PTPRA: variants seen among roughly 807,000 people sequenced by gnomAD.
PTPRA encodes the protein protein tyrosine phosphatase receptor type A.
Under a neutral mutation model 104.8 loss-of-function variants are expected in PTPRA, and 25 were observed. That is an observed-to-expected ratio of 0.24 (90% CI 0.17 to 0.33). PTPRA has a LOEUF of 0.33. PTPRA is among the 10% of genes least tolerant of loss of function. PTPRA has a pLI of 1.00. For synonymous variants in PTPRA, 323 were observed against 368.9 expected (o/e 0.88, Z 1.43); for missense variants, 765 against 1,015.3 (o/e 0.75, Z 3.35).
In PTPRA at chr20:2,999,816, T is replaced by A. The variant is rs930966162; in HGVS notation, c.739-5240T>A. ...ACAGTAGGAAAGGATTTCTTAAGAC[T>A]TAAAATGTTGATAAAAGGGAAGATT... On this transcript the variant is annotated intron_variant, in intron 9 of 23. Coordinates refer to ENST00000399903, the MANE Select transcript of PTPRA (RefSeq NM_001385305.1). Among the ~76,000 whole-genome samples the A allele has an allele frequency of 1.9e-4, 29 of 152,248 alleles. 1 individual carries two copies. The highest frequency in any genetic ancestry group is 4.1e-4 in the South Asian group (2 of 4,828).
chr20:2,936,469 T>G (rs912581490), intron 2 of PTPRA, among the ~76,000 whole-genome samples: 3 of 146,086 alleles, frequency 2.1e-5, no homozygotes, highest in African/African-American at 7.7e-5. Context: ...GGCCTAGGTC[T>G]TTTTTTTTTG....
rs199784705 is a variant in PTPRA, at chr20:2,984,634, CAT to C, written c.443-2129_443-2128del. On this transcript the variant is annotated intron_variant, in intron 6 of 23. Coordinates refer to ENST00000399903, the MANE Select transcript of PTPRA (RefSeq NM_001385305.1). ...TCCTCTGTTCAAAGCCCTTCGATGA[CAT>C]AGTGTTTCTCATCACACTCAGAATT... Among the ~76,000 whole-genome samples the C allele has an allele frequency of 4.9e-3, 740 of 152,342 alleles. 5 individuals carry two copies. Among genetic ancestry groups the C allele is most frequent in the African/African-American group, 0.016 (686 of 41,582 alleles).
At chr20:2,869,443 G>C (rs1380394694), upstream of PTPRA, among the ~76,000 whole-genome samples, 1 of 152,130 alleles carries the variant, frequency 6.6e-6, no homozygotes, top group Non-Finnish European at 1.5e-5. Context: ...TTAAAAACCA[G>C]AACTGGGATT....
At chr20:2,998,339 C>T (rs1568687837) in intron 9 of PTPRA, among the ~76,000 whole-genome samples, 1 of 152,106 alleles carries the variant, frequency 6.6e-6, no homozygotes, top group East Asian at 1.9e-4. Context: ...GTGAAGAAGG[C>T]ATGTGTGTGT....
At chr20:3,014,774 C>T (rs2064353083) in intron 11 of PTPRA, among the ~76,000 whole-genome samples, 2 of 152,200 alleles carry the variant, frequency 1.3e-5, no homozygotes, top group Admixed American at 1.3e-4. Context: ...AAGCTGCCTC[C>T]CTTGTTACTC....
chr20:2,909,884 A>G (rs1277887732), intron 1 of PTPRA, among the ~76,000 whole-genome samples: 3 of 133,252 alleles, frequency 2.3e-5, no homozygotes, highest in African/African-American at 5.7e-5. Flanking sequence ...AAAATATATT[A>G]ATTATAATAT....
At chr20:2,905,057 A>G (rs2147143801) in intron 1 of PTPRA, among the ~76,000 whole-genome samples, 1 of 152,304 alleles carries the variant, frequency 6.6e-6, no homozygotes, top group Middle Eastern at 3.4e-3. Context: ...GCCTCCTGTC[A>G]GATCAGCAGC....
At position 2,988,011 on chromosome 20, in the gene PTPRA, CTGTGATCATT is replaced by C. The variant is rs1235720006; in HGVS notation, c.528-19_528-10del. 1 of 1,533,446 alleles carries C rather than the reference CTGTGATCATT, an allele frequency of 6.5e-7. No homozygotes were observed. The highest frequency in any genetic ancestry group is 1.7e-5 in the Admixed American group (1 of 59,898). The allele number at this position is 1,533,446 out of a possible 1,614,324, so 95.0% of individuals were successfully genotyped here. ...TCCCACCTCTGTGCTCCATTCTTCA[CTGTGATCATT>C]TTCTCATTAGGTTTAAGAAATACAA... is the stretch of plus-strand genomic sequence containing the variant. On this transcript the variant is annotated splice_polypyrimidine_tract_variant and intron_variant, in intron 7 of 23. Transcript: ENST00000399903.
At chr20:3,023,383 A>G (rs904165351) in intron 16 of PTPRA, among the ~76,000 whole-genome samples, 2 of 152,164 alleles carry the variant, frequency 1.3e-5, no homozygotes, top group African/African-American at 4.8e-5. Flanking sequence ...TGGAGTTAAG[A>G]TAAGAGGAAG....
chr20:2,973,265 C>G (rs1486123492), intron 5 of PTPRA, among the ~76,000 whole-genome samples: 2 of 151,098 alleles, frequency 1.3e-5, no homozygotes, highest in African/African-American at 4.9e-5. Context: ...TTTTTACTTT[C>G]TACCTTCTTT....
intron 5 of PTPRA, among the ~76,000 whole-genome samples, chr20:2,966,303 A>C (rs771858050): frequency 2.6e-5 from 4 of 152,204 alleles, no homozygotes; most frequent in Admixed American, 6.5e-5. Flanking sequence ...GGCTTACTTT[A>C]TCTCTCTACC....
chr20:2,871,887 C>G (rs755395148), upstream of PTPRA, among the ~76,000 whole-genome samples: 1 of 152,212 alleles, frequency 6.6e-6, no homozygotes, highest in Non-Finnish European at 1.5e-5. Context: ...ACCCTCACCT[C>G]TAGGCTGGCC....
At chr20:2,929,758 G>A (rs1242128500) in intron 2 of PTPRA, among the ~76,000 whole-genome samples, 1 of 152,118 alleles carries the variant, frequency 6.6e-6, no homozygotes, top group Non-Finnish European at 1.5e-5. Context: ...CCAGGAGCTC[G>A]AGGCTGCAGT....
At chr20:3,030,687 T>TC (rs1430679317) in intron 20 of PTPRA, among the ~76,000 whole-genome samples, 3 of 135,620 alleles carry the variant, frequency 2.2e-5, no homozygotes, top group East Asian at 4.2e-4. Flanking sequence ...TTTTTTTTTT[T>TC]TTTTTTTTTT....
the PTPRA span, chr20:2,866,608 C>T: frequency 6.2e-7 from 1 of 1,610,688 alleles, no homozygotes; most frequent in Admixed American, 1.7e-5. Flanking sequence ...GCAAGGGGTT[C>T]CTCCCCTAGC....
intron 17 of PTPRA, among the ~76,000 whole-genome samples, chr20:3,026,412 C>A (rs767611796): frequency 6.6e-6 from 1 of 152,050 alleles, no homozygotes; most frequent in Non-Finnish European, 1.5e-5. Flanking sequence ...GGACACACTC[C>A]CTCCTACGAT....
In PTPRA at chr20:2,895,531, T is replaced by A. The variant is rs528597467; in HGVS notation, c.-129+21771T>A. 2.0e-4 allele frequency among the ~76,000 whole-genome samples: 30 copies of A among 152,218 alleles called. No homozygotes were observed. The Middle Eastern group carries it at 0.01, about 52-fold the overall frequency. ...ACTGTATTTTATTTTATTTTATTTTTTTTGAGACAGAGTGTTGCTCTGTCA... is the reference window on the plus strand; with the variant it reads ...ACTGTATTTTATTTTATTTTATTTTATTTGAGACAGAGTGTTGCTCTGTCA... On this transcript the variant is annotated intron_variant, in intron 1 of 23. Coordinates refer to ENST00000399903, the MANE Select transcript of PTPRA (RefSeq NM_001385305.1).
intron 9 of PTPRA, among the ~76,000 whole-genome samples, chr20:2,993,943 C>A (rs1439564640): frequency 6.6e-6 from 1 of 152,116 alleles, no homozygotes; most frequent in Non-Finnish European, 1.5e-5. Flanking sequence ...ACAGACAGAT[C>A]GACAGACAGG....
intron 5 of PTPRA, among the ~76,000 whole-genome samples, chr20:2,967,360 C>T (rs1406490951): frequency 6.6e-6 from 1 of 152,140 alleles, no homozygotes; most frequent in Non-Finnish European, 1.5e-5. Context: ...ATGGGAATTT[C>T]ATAGTCTTAA....
Sources: gnomAD v4.1 joint callset for allele counts (sites outside exome capture counted in the v4.1 genomes callset) on GRCh38, gnomAD v4.1.1 for gene constraint, MANE v1.5 for transcripts, NCBI Gene and HGNC (gene_info 2026-07-23, HGNC 2026-07-21) for gene names.